Variants in KCTD19 observed in about 807,000 individuals in gnomAD.
KCTD19 encodes BTB/POZ domain-containing protein KCTD19.
In KCTD19, 67 loss-of-function variants were observed where a neutral mutation model predicts 103.5. That is an observed-to-expected ratio of 0.65 (90% CI 0.53 to 0.79). The LOEUF is 0.79. KCTD19 is among the 30% of genes least tolerant of loss of function. The probability of loss-of-function intolerance (pLI) is 0.00; values close to 1 mark genes in which losing one functional copy is unlikely to be tolerated. For missense variants in KCTD19, 980 were observed against 1,136.1 expected, an observed-to-expected ratio of 0.86 and a Z score of 1.98; for synonymous variants, 439 against 452.2, an observed-to-expected ratio of 0.97 and a Z score of 0.37.
intron 11 of KCTD19, 71 bp downstream of exon 11, chr16:67,294,509 C>T (rs1452369440): frequency 6.6e-6 from 7 of 1,061,792 alleles, no homozygotes; most frequent in African/African-American, 6.3e-5. Context: ...GCTGAACCTA[C>T]CCCCATCCAC....
At position 67,294,954 on chromosome 16, in the gene KCTD19, C is replaced by A; in HGVS notation, c.1475+19G>T. ...AAGGACCAAATTCTAAACATAGAGTCGTGATAAAGTTTTCTTACTTGTATG... is the reference window on the plus strand; with the variant it reads ...AAGGACCAAATTCTAAACATAGAGTAGTGATAAAGTTTTCTTACTTGTATG... On this transcript the variant is annotated intron_variant, in intron 10 of 15. Transcript: ENST00000304372. The A allele has an allele frequency of 6.4e-7, 1 of 1,574,332 alleles. No homozygotes were observed. Among genetic ancestry groups the A allele is most frequent in the South Asian group, 1.1e-5 (1 of 90,206 alleles).
rs1212254792 is a variant in KCTD19 at position 67,295,021 on chromosome 16, T to C, written c.1427A>G (p.Tyr476Cys). 1.9e-6 allele frequency: 3 copies of C among 1,613,962 alleles called. No homozygotes were observed. In the African/African-American group the frequency reaches 4.0e-5, roughly 22 times the overall value. The change falls in exon 10 of 16, where the codon TAC (tyrosine) becomes TGC (cysteine). Residue 476 changes from tyrosine (Y) to cysteine (C), a missense_variant. By Grantham distance (194) the Tyr-to-Cys change is radical. Transcript: ENST00000304372. ...GGCTTCTGAGAGGGATGGAATGTGG[T>C]ATTCCTCCACCTCCTGGCAGAAGAG... is the stretch of plus-strand genomic sequence containing the variant. ...WPLFCQEVEE[Y>C]HIPSLSEALA...
Position 67,320,431 on chromosome 16 carries a change from C to T in KCTD19, c.300+158G>A, listed in dbSNP as rs569595159. ...TACTTTTTTTTCCTTTTTACTCACC[C>T]CTATACTAATGAGGAAATTATTTAT... On this transcript the variant is annotated intron_variant, in intron 2 of 15. Coordinates refer to ENST00000304372, the MANE Select transcript of KCTD19 (RefSeq NM_001100915.3). The surrounding 1 kb of genome is among the most constrained non-coding windows in gnomAD (Gnocchi z 4.0). 6.6e-6 allele frequency among the ~76,000 whole-genome samples: 1 copy of T among 152,200 alleles called. No individual in the cohort carries two copies. The highest frequency in any genetic ancestry group is 1.5e-5 in the Non-Finnish European group (1 of 67,984).
At chr16:67,299,717 A>T (rs1330790015) in intron 5 of KCTD19, 144 bp from the exon 6 acceptor site, 8 of 626,244 alleles carry the variant, frequency 1.3e-5, no homozygotes, top group East Asian at 2.9e-5. Flanking sequence ...CCAAATCAAG[A>T]TCTTCTCAAA....
chr16:67,316,778 C>T (rs1283340269), intron 2 of KCTD19, among the ~76,000 whole-genome samples: 1 of 151,244 alleles, frequency 6.6e-6, no homozygotes, highest in Non-Finnish European at 1.5e-5. Context: ...CAATAAGACA[C>T]TAATAAGCAT....
At chr16:67,290,648 G>T (rs1444614311) in intron 15 of KCTD19, among the ~76,000 whole-genome samples, 3 of 152,216 alleles carry the variant, frequency 2.0e-5, no homozygotes, top group African/African-American at 7.2e-5. Context: ...TGTTAGTGAT[G>T]AAGGCACAGC....
At position 67,303,168 on chromosome 16, in the gene KCTD19, C is replaced by T. The variant is rs1380121073; in HGVS notation, c.621G>A (p.Glu207=). 6.8e-7 allele frequency: 1 copy of T among 1,479,376 alleles called. No homozygotes were observed. Among genetic ancestry groups the T allele is most frequent in the African/African-American group, 1.4e-5 (1 of 69,986 alleles). The allele number at this position is 1,479,376 out of a possible 1,614,324, so 91.6% of individuals were successfully genotyped here. ...LAETVALIEC[E]CSEFRFIVNF... Reference sequence around the variant, plus strand: ...CACCAATGAAGCGGAACTCGCTGCACTCGCACTCGATGAGGGCCACCGTCT... The same window carrying T: ...CACCAATGAAGCGGAACTCGCTGCATTCGCACTCGATGAGGGCCACCGTCT... Residue 207 remains glutamate, a synonymous_variant, in exon 4 of 16, where the codon GAG becomes GAA. Coordinates refer to ENST00000304372, the MANE Select transcript of KCTD19 (RefSeq NM_001100915.3). The surrounding 1 kb of genome is among the most constrained non-coding windows in gnomAD (Gnocchi z 4.3).
chr16:67,302,847 G>C (rs2036849330), intron 4 of KCTD19: 2 of 394,690 alleles, frequency 5.1e-6, no homozygotes. Context: ...CTGGCAACCA[G>C]CTGAGCTCCC....
chr16:67,305,413 T>G (rs1283375773), intron 2 of KCTD19: 1 of 287,234 alleles, frequency 3.5e-6, no homozygotes. Flanking sequence ...TTGGTGAGTG[T>G]CTTACTGATG....
chr16:67,291,700 T>A lies in KCTD19; in HGVS notation c.2356A>T (p.Thr786Ser), dbSNP rs745318488. The change falls in exon 13 of 16, where the codon ACG becomes TCG. Residue 786 changes from threonine to serine, a missense_variant. Transcript: ENST00000304372. ...GTGTGCCTGAGGTTGTCCATCTCCG[T>A]GGTATAGATGATGCTGTCCTCAAAG... ...MFFEDSIIYT[T>S]EMDNLRHTTP... is the part of the protein sequence containing the mutation. 29 of 1,613,908 alleles carry A rather than the reference T, an allele frequency of 1.8e-5. No individual in the cohort carries two copies. Among genetic ancestry groups the A allele is most frequent in the Middle Eastern group, 3.3e-4 (2 of 6,084 alleles).
intron 2 of KCTD19, among the ~76,000 whole-genome samples, chr16:67,313,877 GAGA>G (rs2142518299): frequency 1.4e-5 from 2 of 146,230 alleles, no homozygotes; most frequent in South Asian, 4.7e-4. Context: ...TTTTTTTAAA[GAGA>G]AGATCTTGCT....
chr16:67,310,908 T>C (rs942381791), intron 2 of KCTD19, among the ~76,000 whole-genome samples: 1 of 152,084 alleles, frequency 6.6e-6, no homozygotes, highest in Admixed American at 6.6e-5. Context: ...GCAAGGCTGG[T>C]AGAACAAAAG....
chr16:67,297,805 T>G, intron 6 of KCTD19, 142 bp from the exon 7 acceptor site: 1 of 754,654 alleles, frequency 1.3e-6, no homozygotes, highest in Non-Finnish European at 2.0e-6. Flanking sequence ...CTTGTATTTT[T>G]TTTTTAGATG....
At chr16:67,325,203 T>TTC (rs1399638195) in intron 1 of KCTD19, among the ~76,000 whole-genome samples, 1 of 138,664 alleles carries the variant, frequency 7.2e-6, no homozygotes, top group African/African-American at 3.1e-5. Flanking sequence ...TTTTTTCTTT[T>TTC]TTTCTTTTTT....
chr16:67,317,075 G>A (rs1157146669), intron 2 of KCTD19, among the ~76,000 whole-genome samples: 2 of 152,146 alleles, frequency 1.3e-5, no homozygotes, highest in African/African-American at 2.4e-5. Flanking sequence ...ATTGTTAGGG[G>A]CTGAATCTGA....
intron 2 of KCTD19, among the ~76,000 whole-genome samples, chr16:67,307,602 C>T (rs1350127088): frequency 6.6e-6 from 1 of 152,090 alleles, no homozygotes; most frequent in Non-Finnish European, 1.5e-5. Flanking sequence ...AGGCATGAGC[C>T]ACCACGCCTG....
chr16:67,315,568 G>A (rs1284695625), intron 2 of KCTD19, among the ~76,000 whole-genome samples: 2 of 151,890 alleles, frequency 1.3e-5, no homozygotes, highest in Non-Finnish European at 2.9e-5. Flanking sequence ...TGTAACCTCC[G>A]CCTCCCGGGT....
Position 67,303,273 on chromosome 16 carries a change from C to T in KCTD19, c.516G>A (p.Val172=), listed in dbSNP as rs752988948. The T allele has an allele frequency of 3.2e-5, 52 of 1,614,034 alleles. No homozygotes were observed. Among genetic ancestry groups the T allele is most frequent in the Non-Finnish European group, 4.3e-5 (51 of 1,180,018 alleles). The change falls in exon 4 of 16, where the codon GTG becomes GTA. Residue 172 remains valine, a synonymous_variant. Coordinates refer to ENST00000304372, the MANE Select transcript of KCTD19 (RefSeq NM_001100915.3). This position sits in a 1 kb window ranked among gnomAD's most constrained non-coding sequence, Gnocchi z 4.3. The part of the protein sequence containing the change: ...DTPLLDTEEE[V]HYCFLPLDLV... The stretch of plus-strand genomic sequence containing the variant: ...GGTCTAGGGGCAGGAAGCAGTAGTG[C>T]ACCTCCTCTTCTGTGTCTAACAGGG...
intron 2 of KCTD19, among the ~76,000 whole-genome samples, chr16:67,319,436 G>C (rs1241023852): frequency 6.6e-6 from 1 of 152,062 alleles, no homozygotes; most frequent in Non-Finnish European, 1.5e-5. Flanking sequence ...GCAGCTTGTT[G>C]GGTTAGTGCT....
Sources: gnomAD v4.1 joint callset for allele counts (sites outside exome capture counted in the v4.1 genomes callset) on GRCh38, gnomAD v4.1.1 for gene constraint, Gnocchi (gnomAD v3.1) non-coding constraint, MANE v1.5 for transcripts, NCBI Gene and HGNC (gene_info 2026-07-23, HGNC 2026-07-21) for gene names.